Variants in NELL2 observed in about 807,000 individuals in gnomAD.
NELL2 encodes the protein neural EGFL like 2.
In NELL2, 41 loss-of-function variants were observed where a neutral mutation model predicts 109.6. The observed-to-expected ratio is 0.37, with a 90% CI of 0.29 to 0.49. The LOEUF (loss-of-function observed/expected upper bound fraction) is 0.49, where lower values mean the gene tolerates loss of function less well. NELL2 is among the 20% of genes least tolerant of loss of function. The probability of loss-of-function intolerance (pLI) is 0.98; values close to 1 mark genes in which losing one functional copy is unlikely to be tolerated. For missense variants in NELL2, 900 were observed against 1,008.3 expected (o/e 0.89, Z 1.45); for synonymous variants, 355 against 344.7 (o/e 1.03, Z -0.33).
intron 15 of NELL2, among the ~76,000 whole-genome samples, chr12:44,580,166 T>C (rs1017510304): frequency 6.6e-6 from 1 of 152,204 alleles, no homozygotes; most frequent in Non-Finnish European, 1.5e-5. Context: ...CATTTTAAGA[T>C]TAACTTGTAG....
intron 12 of NELL2, among the ~76,000 whole-genome samples, chr12:44,686,383 A>C (rs1299992127): frequency 6.6e-6 from 1 of 151,994 alleles, no homozygotes; most frequent in Non-Finnish European, 1.5e-5. Flanking sequence ...GCTCGGAGTA[A>C]TTTGATCGTC....
At chr12:44,724,233 C>T (rs1592403067) in intron 9 of NELL2, among the ~76,000 whole-genome samples, 1 of 150,456 alleles carries the variant, frequency 6.6e-6, no homozygotes, top group East Asian at 1.9e-4. Flanking sequence ...AGTCACTGGG[C>T]ATCACTAGAT....
At chr12:44,850,656 T>C (rs575711755) in intron 2 of NELL2, among the ~76,000 whole-genome samples, 1 of 152,146 alleles carries the variant, frequency 6.6e-6, no homozygotes, top group Non-Finnish European at 1.5e-5. Flanking sequence ...GCTCATTGTA[T>C]AAAGTAAGTT....
intron 9 of NELL2, among the ~76,000 whole-genome samples, chr12:44,724,799 A>G (rs1257415699): frequency 6.6e-6 from 1 of 150,906 alleles, no homozygotes; most frequent in Non-Finnish European, 1.5e-5. Context: ...GCCTAAATAG[A>G]CAAGGCAATC....
chr12:44,767,969 G>A (rs975676040), intron 9 of NELL2, among the ~76,000 whole-genome samples: 10 of 152,124 alleles, frequency 6.6e-5, no homozygotes, highest in Non-Finnish European at 1.5e-4. Context: ...ACTGTACTAG[G>A]ATTGGGAAGA....
At chr12:44,658,028 G>C (rs992193746) in intron 13 of NELL2, among the ~76,000 whole-genome samples, 7 of 152,092 alleles carry the variant, frequency 4.6e-5, no homozygotes, top group African/African-American at 1.4e-4. Context: ...TGGTATTTCT[G>C]GTTCTAGATC....
At chr12:44,917,522 A>AGGT (rs924122973), upstream of NELL2, among the ~76,000 whole-genome samples, 2 of 152,186 alleles carry the variant, frequency 1.3e-5, no homozygotes, top group Non-Finnish European at 2.9e-5. Context: ...AGCAGACCCT[A>AGGT]GGGTGGGCCC....
chr12:44,534,897 T>G (rs1942228195), intron 15 of NELL2, among the ~76,000 whole-genome samples: 1 of 152,024 alleles, frequency 6.6e-6, no homozygotes, highest in African/African-American at 2.4e-5. Context: ...TACCTTGACA[T>G]AGTAATAAGG....
rs750590109 is a variant in NELL2 at position 44,875,922 on chromosome 12, T to C, written c.-53A>G. The C allele has an allele frequency of 6.2e-7, 1 of 1,611,098 alleles. No individual in the cohort carries two copies. The highest frequency in any genetic ancestry group is 1.1e-5 in the South Asian group (1 of 91,062). On this transcript the variant is annotated 5_prime_UTR_variant, in exon 1 of 20. Transcript: ENST00000429094. ...CCCTCTTTAAAAATAAAAATAAAAA[T>C]CGAAGAGGTTCTTGGAATCAAGCGG... is the stretch of plus-strand genomic sequence containing the variant.
intron 13 of NELL2, among the ~76,000 whole-genome samples, chr12:44,644,625 TAC>T (rs1555190886): frequency 3.9e-4 from 38 of 98,658 alleles, no homozygotes; most frequent in East Asian, 3.0e-3. Context: ...TATATATATA[TAC>T]ATACATATAT....
chr12:44,887,415 A>G (rs1945485983), intron 1 of NELL2, among the ~76,000 whole-genome samples: 1 of 151,926 alleles, frequency 6.6e-6, no homozygotes, highest in South Asian at 2.1e-4. Flanking sequence ...CCCTTTCTCC[A>G]TATCCTCACT....
At position 44,610,660 on chromosome 12, in the gene NELL2, C is replaced by G. The variant is rs1592203128; in HGVS notation, c.1567+188G>C. 2.0e-5 allele frequency among the ~76,000 whole-genome samples: 3 copies of G among 152,052 alleles called. No homozygotes were observed. The East Asian group carries it at 5.8e-4, about 29-fold the overall frequency. On this transcript the variant is annotated intron_variant, in intron 14 of 19. Coordinates refer to ENST00000429094, the MANE Select transcript of NELL2 (RefSeq NM_001145108.2). Reference sequence around the variant, plus strand: ...TCAAAGGAGCTGAATGGTTTGGTCACTTAAACACTGAAGTAACCCAGGAGG... The same window carrying G: ...TCAAAGGAGCTGAATGGTTTGGTCAGTTAAACACTGAAGTAACCCAGGAGG...
At chr12:44,683,380 C>T (rs937860392) in intron 12 of NELL2, among the ~76,000 whole-genome samples, 6 of 144,350 alleles carry the variant, frequency 4.2e-5, no homozygotes, top group African/African-American at 5.9e-5. Context: ...GACAATTTGA[C>T]TTCCTCTTTT....
intron 16 of NELL2, among the ~76,000 whole-genome samples, chr12:44,525,008 A>G (rs1941703807): frequency 6.6e-6 from 1 of 152,174 alleles, no homozygotes. Flanking sequence ...CTCCCATTAC[A>G]TATTTCTAGA....
At chr12:44,732,392 C>T (rs1939416866) in intron 9 of NELL2, among the ~76,000 whole-genome samples, 1 of 151,772 alleles carries the variant, frequency 6.6e-6, no homozygotes, top group African/African-American at 2.4e-5. Flanking sequence ...ATAGAGAGCC[C>T]AGAAATAAAC....
intron 9 of NELL2, among the ~76,000 whole-genome samples, chr12:44,740,157 GC>G (rs2136494432): frequency 6.6e-6 from 1 of 152,264 alleles, no homozygotes; most frequent in African/African-American, 2.4e-5. Flanking sequence ...TGAGTTATGG[GC>G]GTGTGACCCA....
intron 12 of NELL2, among the ~76,000 whole-genome samples, chr12:44,702,852 G>A (rs763260711): frequency 6.6e-6 from 1 of 152,106 alleles, no homozygotes; most frequent in Admixed American, 6.6e-5. Context: ...AACAGAAGTT[G>A]GTTTCCCGAG....
chr12:44,848,367 A>C (rs557870745), intron 2 of NELL2, among the ~76,000 whole-genome samples: 7 of 152,182 alleles, frequency 4.6e-5, no homozygotes, highest in African/African-American at 1.7e-4. Context: ...AAGATAAGGC[A>C]GTCAGCCAGG....
At chr12:44,793,705 A>G (rs1942515361) in intron 3 of NELL2, among the ~76,000 whole-genome samples, 1 of 152,186 alleles carries the variant, frequency 6.6e-6, no homozygotes, top group African/African-American at 2.4e-5. Context: ...ACTTGTGAAG[A>G]GAAAAATAAG....
Sources: gnomAD v4.1 joint callset for allele counts (sites outside exome capture counted in the v4.1 genomes callset) on GRCh38, gnomAD v4.1.1 for gene constraint, MANE v1.5 for transcripts, NCBI Gene and HGNC (gene_info 2026-07-23, HGNC 2026-07-21) for gene names.